The following CSTPP1 variants were observed in gnomAD, a reference collection of about 807,000 sequenced individuals.
The protein encoded by CSTPP1 is UPF0705 protein C11orf49.
At chr11:47,060,104 GAA>G in the CSTPP1 span, among the ~76,000 whole-genome samples, 3 of 70,270 alleles carry the variant, frequency 4.3e-5, no homozygotes, top group Non-Finnish European at 2.7e-5. Flanking sequence ...ACTCTGTCTC[GAA>G]AAAAAAAAAA....
At chr11:47,060,604 A>G in the CSTPP1 span, among the ~76,000 whole-genome samples, 2 of 152,254 alleles carry the variant, frequency 1.3e-5, no homozygotes, top group African/African-American at 4.8e-5. Context: ...CTTTGTGTGC[A>G]CTAAAAAGCA....
the CSTPP1 span, among the ~76,000 whole-genome samples, chr11:47,142,995 G>A: frequency 6.6e-6 from 1 of 152,166 alleles, no homozygotes; most frequent in African/African-American, 2.4e-5. Context: ...GGAATTATGG[G>A]AATGGCAGTA....
the CSTPP1 span, among the ~76,000 whole-genome samples, chr11:47,051,765 C>T: frequency 6.7e-6 from 1 of 148,688 alleles, no homozygotes; most frequent in Non-Finnish European, 1.5e-5. Flanking sequence ...GATCTCGGCT[C>T]ACTGCAACCT....
At chr11:46,996,935 G>A in the CSTPP1 span, among the ~76,000 whole-genome samples, 2 of 152,200 alleles carry the variant, frequency 1.3e-5, no homozygotes, top group African/African-American at 4.8e-5. Context: ...CTGTTAGTCT[G>A]ATGGGCTTCC....
chr11:47,142,504 C>T, the CSTPP1 span, among the ~76,000 whole-genome samples: 2 of 152,140 alleles, frequency 1.3e-5, no homozygotes, highest in South Asian at 4.2e-4. Context: ...ATAGTTCCTG[C>T]CCCTCAAAGA....
At chr11:47,080,995 C>G in the CSTPP1 span, among the ~76,000 whole-genome samples, 1 of 140,290 alleles carries the variant, frequency 7.1e-6, no homozygotes, top group Non-Finnish European at 1.5e-5. Context: ...GGCAATAGAG[C>G]AAGACCCCAT....
the CSTPP1 span, among the ~76,000 whole-genome samples, chr11:46,945,571 C>T: frequency 6.6e-5 from 10 of 152,062 alleles, no homozygotes; most frequent in East Asian, 1.9e-4. Flanking sequence ...ACTGAGATCA[C>T]GCCAGTGCAC....
At chr11:47,042,339 ACTT>A in the CSTPP1 span, among the ~76,000 whole-genome samples, 1 of 135,560 alleles carries the variant, frequency 7.4e-6, no homozygotes, top group East Asian at 2.0e-4. Context: ...CAGCACTTTG[ACTT>A]CTGTTTTTTT....
At chr11:47,126,961 T>C in the CSTPP1 span, among the ~76,000 whole-genome samples, 1 of 151,608 alleles carries the variant, frequency 6.6e-6, no homozygotes, top group Non-Finnish European at 1.5e-5. Flanking sequence ...AATTAAATAA[T>C]AAACAAAATA....
chr11:47,138,903 C>A, the CSTPP1 span, among the ~76,000 whole-genome samples: 29 of 137,458 alleles, frequency 2.1e-4, no homozygotes, highest in Admixed American at 4.9e-4. Flanking sequence ...TCGCTTGAAC[C>A]TGGGAGGCGG....
At chr11:47,153,919 AAT>A in the CSTPP1 span, among the ~76,000 whole-genome samples, 1 of 152,272 alleles carries the variant, frequency 6.6e-6, no homozygotes, top group South Asian at 2.1e-4. Flanking sequence ...GATTTAGAAA[AAT>A]ATGAGAGAGC....
the CSTPP1 span, among the ~76,000 whole-genome samples, chr11:47,098,712 G>C: frequency 6.6e-6 from 1 of 151,954 alleles, no homozygotes; most frequent in African/African-American, 2.4e-5. Flanking sequence ...ATATTGGCCA[G>C]GCTGGTCTCT....
the CSTPP1 span, among the ~76,000 whole-genome samples, chr11:46,939,056 TG>T: frequency 6.7e-6 from 1 of 149,998 alleles, no homozygotes; most frequent in African/African-American, 2.4e-5. Flanking sequence ...AGATTACAGG[TG>T]TGAGTCACTG....
the CSTPP1 span, among the ~76,000 whole-genome samples, chr11:47,104,664 AC>A: frequency 6.6e-6 from 1 of 152,220 alleles, no homozygotes. Context: ...AATGAGGTTA[AC>A]GAGCTGCAGC....
chr11:46,999,209 A>G, the CSTPP1 span, among the ~76,000 whole-genome samples: 1 of 151,500 alleles, frequency 6.6e-6, no homozygotes, highest in African/African-American at 2.4e-5. Context: ...GGTTTAATAA[A>G]GCCTTACATG....
chr11:47,040,851 G>C, the CSTPP1 span, among the ~76,000 whole-genome samples: 1 of 126,694 alleles, frequency 7.9e-6, no homozygotes, highest in Non-Finnish European at 1.9e-5. Flanking sequence ...TCATTCTCAG[G>C]GTATGCTTCA....
chr11:47,009,957 T>A, the CSTPP1 span, among the ~76,000 whole-genome samples: 5 of 152,188 alleles, frequency 3.3e-5, no homozygotes, highest in Admixed American at 2.0e-4. Flanking sequence ...TCACTGTGTG[T>A]CAGATATGGT....
At chr11:47,142,241 CA>C in the CSTPP1 span, among the ~76,000 whole-genome samples, 122,827 of 127,890 alleles carry the variant, frequency 0.96, 58,955 homozygotes, top group South Asian at 0.99. Flanking sequence ...GACTCCATCT[CA>C]AAAAAAAAAA....
the CSTPP1 span, among the ~76,000 whole-genome samples, chr11:47,027,927 C>T: frequency 4.3e-4 from 57 of 134,032 alleles, no homozygotes; most frequent in Middle Eastern, 3.8e-3. Flanking sequence ...TTTTTTTTTT[C>T]TTTTTTTTTT....
Sources: gnomAD v4.1 joint callset for allele counts (sites outside exome capture counted in the v4.1 genomes callset) on GRCh38, gnomAD v4.1.1 for gene constraint, MANE v1.5 for transcripts, NCBI Gene and HGNC (gene_info 2026-07-23, HGNC 2026-07-21) for gene names.